The following SHISA9 variants were observed in gnomAD, a reference collection of about 807,000 sequenced individuals.
SHISA9 encodes the protein protein shisa-9.
A neutral mutation model predicts 38.0 loss-of-function variants in SHISA9; 13 were observed. That is an observed-to-expected ratio of 0.34 (90% CI 0.22 to 0.54). The LOEUF (loss-of-function observed/expected upper bound fraction) is 0.54, where lower values mean the gene tolerates loss of function less well. Among genes scored for constraint, SHISA9 ranks in the 20% least tolerant of loss-of-function variants. The probability of loss-of-function intolerance (pLI) is 0.91; values close to 1 mark genes in which losing one functional copy is unlikely to be tolerated. For missense variants in SHISA9, 538 were observed against 575.8 expected (o/e 0.93, Z 0.67); for synonymous variants, 275 against 242.0 (o/e 1.14, Z -1.27).
At chr16:12,940,537 C>A (rs1218207292) in intron 2 of SHISA9, among the ~76,000 whole-genome samples, 1 of 151,974 alleles carries the variant, frequency 6.6e-6, no homozygotes, top group Non-Finnish European at 1.5e-5. Flanking sequence ...CAACCCTAGC[C>A]AATAGGGGAA....
rs55727441 is a variant in SHISA9, at chr16:13,121,832, TACACACACACACACACACACAC to T, written c.692-81532_692-81511del. Among the ~76,000 whole-genome samples, 980 of 134,914 alleles carry T rather than the reference TACACACACACACACACACACAC, an allele frequency of 7.3e-3. 6 individuals carry two copies. Among genetic ancestry groups the T allele is most frequent in the African/African-American group, 0.024 (891 of 37,484 alleles). The allele number at this position is 134,914 out of a possible 152,430, so 88.5% of individuals were successfully genotyped here. A position where few individuals can be genotyped will look rare whatever the true frequency, so the allele number is the denominator to read the frequency against. ...ACAACATTAAACACCTATACACACA[TACACACACACACACACACACAC>T]ACACACACACACACACACACACACA... On this transcript the variant is annotated intron_variant, in intron 2 of 4. Transcript: ENST00000558583.
rs150566900 is a variant in SHISA9, at chr16:12,933,439, T to C, written c.691+16624T>C. 8.2e-3 allele frequency among the ~76,000 whole-genome samples: 1,245 copies of C among 152,132 alleles called. 13 individuals carry two copies. The highest frequency in any genetic ancestry group is 0.027 in the African/African-American group (1,135 of 41,506). ...CAGTCCCTGTAGCTAGAACTGCAGGTGCATGCCACTGTGCCTGGCTAATTT... is the reference window on the plus strand; with the variant it reads ...CAGTCCCTGTAGCTAGAACTGCAGGCGCATGCCACTGTGCCTGGCTAATTT... On this transcript the variant is annotated intron_variant, in intron 2 of 4. Transcript: ENST00000558583.
At chr16:13,006,129 C>A (rs1176586491) in intron 2 of SHISA9, among the ~76,000 whole-genome samples, 1 of 152,182 alleles carries the variant, frequency 6.6e-6, no homozygotes, top group Non-Finnish European at 1.5e-5. Flanking sequence ...GCTAACATAT[C>A]ATCTGTGCAA....
chr16:12,902,714 C>T (rs532765946), intron 1 of SHISA9, 87 bp downstream of exon 1: 13 of 1,312,670 alleles, frequency 9.9e-6, no homozygotes, highest in Non-Finnish European at 1.3e-5. Context: ...TGGCGCTCCC[C>T]ACGGTCCCCG....
At chr16:12,932,757 C>A (rs1303910178) in intron 2 of SHISA9, among the ~76,000 whole-genome samples, 1 of 152,138 alleles carries the variant, frequency 6.6e-6, no homozygotes, top group Non-Finnish European at 1.5e-5. Flanking sequence ...TTCTTCCATC[C>A]AGAGTAGGCA....
At chr16:13,015,077 G>A (rs187050737) in intron 2 of SHISA9, among the ~76,000 whole-genome samples, 11 of 152,306 alleles carry the variant, frequency 7.2e-5, no homozygotes, top group Admixed American at 3.9e-4. Flanking sequence ...TGATTGTCTC[G>A]TATGTGTAGG....
At chr16:13,404,795 A>T in the SHISA9 span, among the ~76,000 whole-genome samples, 1 of 152,220 alleles carries the variant, frequency 6.6e-6, no homozygotes, top group Non-Finnish European at 1.5e-5. Context: ...TGTTATAAGT[A>T]ACTAGTTAGA....
At chr16:13,457,047 C>A in the SHISA9 span, among the ~76,000 whole-genome samples, 1 of 152,220 alleles carries the variant, frequency 6.6e-6, no homozygotes, top group Non-Finnish European at 1.5e-5. Context: ...TGGCTCACGC[C>A]CATAATCCCA....
intron 2 of SHISA9, among the ~76,000 whole-genome samples, chr16:12,917,044 C>A (rs1596527992): frequency 6.6e-6 from 1 of 152,194 alleles, no homozygotes; most frequent in East Asian, 1.9e-4. Context: ...ATGATTGATA[C>A]TTTTAGCTAG....
the SHISA9 span, among the ~76,000 whole-genome samples, chr16:13,392,573 G>C: frequency 6.6e-6 from 1 of 152,114 alleles, no homozygotes; most frequent in South Asian, 2.1e-4. Flanking sequence ...TCACTTAGAG[G>C]TCAAACAGTC....
At chr16:13,203,356 C>T in intron 2 of SHISA9, 38 bp from the exon 3 acceptor site, 3 of 1,483,400 alleles carry the variant, frequency 2.0e-6, no homozygotes, top group Non-Finnish European at 2.7e-6. Flanking sequence ...TGGTTCTGCC[C>T]TGTCTGTGAC....
chr16:12,913,680 G>C (rs2071215684), intron 1 of SHISA9, among the ~76,000 whole-genome samples: 1 of 152,122 alleles, frequency 6.6e-6, no homozygotes. Flanking sequence ...TCCCCTCACT[G>C]TGTCCCCTGG....
chr16:13,173,019 A>G (rs2050700350), intron 2 of SHISA9, among the ~76,000 whole-genome samples: 1 of 152,152 alleles, frequency 6.6e-6, no homozygotes, highest in South Asian at 2.1e-4. Context: ...ACATATAATG[A>G]TGCTTTAATG....
intron 2 of SHISA9, among the ~76,000 whole-genome samples, chr16:13,097,484 ACTCAAGTGATAG>A (rs1380962988): frequency 6.6e-6 from 1 of 151,204 alleles, no homozygotes; most frequent in African/African-American, 2.4e-5. Flanking sequence ...TGATGCTATC[ACTCAAGTGATAG>A]CTCAAGTGAT....
intron 1 of SHISA9, chr16:12,909,221 T>C (rs914694860): frequency 5.1e-6 from 5 of 985,558 alleles, no homozygotes; most frequent in East Asian, 2.3e-4. Flanking sequence ...ATCAACTTCA[T>C]TGAAGTATAA....
the SHISA9 span, among the ~76,000 whole-genome samples, chr16:13,530,972 A>T: frequency 7.9e-5 from 12 of 152,302 alleles, no homozygotes; most frequent in East Asian, 2.3e-3. Flanking sequence ...GATGCCTGGG[A>T]CTATTTCACC....
At chr16:13,145,730 A>G (rs2050441654) in intron 2 of SHISA9, among the ~76,000 whole-genome samples, 1 of 152,218 alleles carries the variant, frequency 6.6e-6, no homozygotes, top group Non-Finnish European at 1.5e-5. Flanking sequence ...TGGAGAGATT[A>G]ATTGCAATCT....
chr16:13,381,515 A>C, the SHISA9 span, among the ~76,000 whole-genome samples: 2,741 of 152,332 alleles, frequency 0.018, 33 homozygotes, highest in Non-Finnish European at 0.027. Flanking sequence ...AAATGTACTG[A>C]GTCATTTAAT....
chr16:13,019,880 CTCCCTTCT>C lies in SHISA9; in HGVS notation c.691+103067_691+103074del, dbSNP rs1289982313. On this transcript the variant is annotated intron_variant, in intron 2 of 4. Coordinates refer to ENST00000558583, the MANE Select transcript of SHISA9 (RefSeq NM_001145204.3). ...CCTCCCTCCCTCCCTCCCTCCCTCCCTCCCTTCTTTCTTTCTTTCTTTCTTTCTTTCTT... is the reference window on the plus strand; with the variant it reads ...CCTCCCTCCCTCCCTCCCTCCCTCCCTTCTTTCTTTCTTTCTTTCTTTCTT... 3.4e-3 allele frequency among the ~76,000 whole-genome samples: 59 copies of C among 17,192 alleles called. 2 individuals are homozygous for C. Among genetic ancestry groups the C allele is most frequent in the Middle Eastern group, 0.031 (1 of 32 alleles). 11.3% of individuals were successfully genotyped at this position (17,192 alleles called of 152,430 possible).
Sources: allele counts gnomAD v4.1 joint callset (sites outside exome capture counted in the v4.1 genomes callset), GRCh38; gene constraint gnomAD v4.1.1; transcripts MANE v1.5; gene names NCBI Gene and HGNC (gene_info 2026-07-23, HGNC 2026-07-21).